LGR4: variants seen among roughly 807,000 people sequenced by gnomAD.
LGR4 encodes leucine-rich repeat-containing G protein-coupled receptor 4.
Under a neutral mutation model 84.8 loss-of-function variants are expected in LGR4, and 44 were observed. The ratio of observed to expected loss-of-function variants is 0.52; its 90% CI spans 0.41 to 0.67. The LOEUF (loss-of-function observed/expected upper bound fraction) is 0.67, where lower values mean the gene tolerates loss of function less well. Ranked by LOEUF, LGR4 falls within the 30% of genes least tolerant of loss-of-function variation. The probability of loss-of-function intolerance (pLI) is 0.00; values close to 1 mark genes in which losing one functional copy is unlikely to be tolerated. For missense variants in LGR4, 1,032 were observed against 1,131.4 expected (o/e 0.91, Z 1.26); for synonymous variants, 429 against 434.3 (o/e 0.99, Z 0.15).
chr11:27,400,148 G>A (rs1252400533), intron 2 of LGR4, among the ~76,000 whole-genome samples: 1 of 152,034 alleles, frequency 6.6e-6, no homozygotes. Context: ...TGTTCATTGG[G>A]TATTTTGAAT....
intron 1 of LGR4, among the ~76,000 whole-genome samples, chr11:27,442,702 C>G (rs1864323768): frequency 6.6e-6 from 1 of 152,166 alleles, no homozygotes; most frequent in Non-Finnish European, 1.5e-5. Context: ...AGTCAATATT[C>G]CATGTTCTTC....
Position 27,394,788 on chromosome 11 carries a change from G to T in LGR4, c.258-2270C>A, listed in dbSNP as rs7124799. Among the ~76,000 whole-genome samples the T allele has an allele frequency of 4.8e-3, 733 of 152,010 alleles. 5 individuals are homozygous for T. The highest frequency in any genetic ancestry group is 0.015 in the African/African-American group (638 of 41,452). On this transcript the variant is annotated intron_variant, in intron 2 of 17. Transcript: ENST00000379214. Reference sequence around the variant, plus strand: ...AAATGTGCCCTATGCTTGAACACTCGGAGCTCATAAACTTGGGTCACAAGC... The same window carrying T: ...AAATGTGCCCTATGCTTGAACACTCTGAGCTCATAAACTTGGGTCACAAGC...
At chr11:27,439,692 G>T (rs2133430162) in intron 1 of LGR4, among the ~76,000 whole-genome samples, 2 of 152,152 alleles carry the variant, frequency 1.3e-5, no homozygotes, top group South Asian at 4.2e-4. Flanking sequence ...ATTCCCTTGG[G>T]TGCATTTTTA....
Position 27,472,713 on chromosome 11 carries a change from A to T in LGR4, c.-411T>A. ...CCCCCGCCGTGGCTCTCGCACAAAC[A>T]CCCAGACTCTGGCTCGCTGTCTCCC... is the stretch of plus-strand genomic sequence containing the variant. On this transcript the variant is annotated 5_prime_UTR_variant, in exon 1 of 18. Transcript: ENST00000379214. 1 of 359,692 alleles carries T rather than the reference A, an allele frequency of 2.8e-6. No homozygotes were observed. Among genetic ancestry groups the T allele is most frequent in the Non-Finnish European group, 5.0e-6 (1 of 201,658 alleles). 22.3% of individuals were successfully genotyped at this position (359,692 alleles called of 1,614,324 possible).
Position 27,368,038 on chromosome 11 carries a change from G to A in LGR4, c.2685C>T (p.Tyr895=), listed in dbSNP as rs972386519. ...AVASCQRPEG[Y]WSDCGTQSAH... ...CCGACTGTGTGCCACAGTCGGACCA[G>A]TAGCCCTCAGGTCTTTGGCAAGAAG... The change falls in exon 18 of 18, where the codon TAC becomes TAT. Residue 895 remains tyrosine, a synonymous_variant. Coordinates refer to ENST00000379214, the MANE Select transcript of LGR4 (RefSeq NM_018490.5). 15 of 1,514,594 alleles carry A rather than the reference G, an allele frequency of 9.9e-6. No homozygotes were observed. Among genetic ancestry groups the A allele is most frequent in the Non-Finnish European group, 1.2e-5 (13 of 1,116,922 alleles). 93.8% of individuals were successfully genotyped at this position (1,514,594 alleles called of 1,614,324 possible).
At chr11:27,387,199 T>C (rs1863202667) in intron 4 of LGR4, among the ~76,000 whole-genome samples, 2 of 152,226 alleles carry the variant, frequency 1.3e-5, no homozygotes, top group Non-Finnish European at 1.5e-5. Flanking sequence ...CGCAGTTAAA[T>C]TGAGCATCTT....
intron 1 of LGR4, among the ~76,000 whole-genome samples, chr11:27,464,791 A>G (rs936840201): frequency 6.6e-6 from 1 of 152,188 alleles, no homozygotes; most frequent in Admixed American, 6.5e-5. Context: ...TTTTCTGGAT[A>G]TCGGGTTCTA....
chr11:27,432,230 G>A (rs561904127), intron 1 of LGR4, among the ~76,000 whole-genome samples: 5 of 152,284 alleles, frequency 3.3e-5, no homozygotes, highest in East Asian at 1.9e-4. Context: ...GTTTCCTACT[G>A]TACGCTAGCA....
chr11:27,416,317 T>C (rs931825729), intron 1 of LGR4, among the ~76,000 whole-genome samples: 1 of 152,188 alleles, frequency 6.6e-6, no homozygotes, highest in Admixed American at 6.5e-5. Flanking sequence ...TGTGTGATCT[T>C]TGGCAAATTG....
At chr11:27,398,157 A>G (rs1250030717) in intron 2 of LGR4, among the ~76,000 whole-genome samples, 1 of 152,196 alleles carries the variant, frequency 6.6e-6, no homozygotes, top group Admixed American at 6.5e-5. Context: ...TGCATATATG[A>G]CCTGAAATTT....
chr11:27,455,225 G>T (rs539407736), intron 1 of LGR4, among the ~76,000 whole-genome samples: 6 of 152,190 alleles, frequency 3.9e-5, no homozygotes, highest in East Asian at 1.9e-4. Flanking sequence ...TACAGATGGG[G>T]TGTTTCATTT....
intron 2 of LGR4, among the ~76,000 whole-genome samples, chr11:27,397,680 G>A (rs1327504054): frequency 6.6e-6 from 1 of 152,196 alleles, no homozygotes; most frequent in African/African-American, 2.4e-5. Context: ...CTCGACATAT[G>A]CTGGAAGCAT....
chr11:27,385,169 C>T (rs892408796), intron 5 of LGR4, 84 bp downstream of exon 5: 2 of 971,572 alleles, frequency 2.1e-6, no homozygotes, highest in East Asian at 2.5e-5. Flanking sequence ...CAGCGAGATG[C>T]CTTGATAATA....
chr11:27,451,982 C>G (rs186638518), intron 1 of LGR4, among the ~76,000 whole-genome samples: 1 of 152,140 alleles, frequency 6.6e-6, no homozygotes, highest in Non-Finnish European at 1.5e-5. Flanking sequence ...ACATACATAG[C>G]TGGGGGGAAT....
intron 1 of LGR4, among the ~76,000 whole-genome samples, chr11:27,437,660 A>AGTGTGTGTGTGTGTGTGTGTGT (rs10659033): frequency 9.3e-5 from 13 of 140,044 alleles, no homozygotes; most frequent in Non-Finnish European, 1.5e-4. Flanking sequence ...TTAAAGGACT[A>AGTGTGTGTGTGTGTGTGTGTGT]GTGTGTGTGT....
chr11:27,406,251 C>T (rs539102378), intron 2 of LGR4, among the ~76,000 whole-genome samples: 4 of 152,246 alleles, frequency 2.6e-5, no homozygotes, highest in Admixed American at 6.5e-5. Flanking sequence ...CTATCCCTCT[C>T]CCTTGAAAGC....
At chr11:27,470,292 T>C (rs1302946831) in intron 1 of LGR4, among the ~76,000 whole-genome samples, 1 of 152,176 alleles carries the variant, frequency 6.6e-6, no homozygotes, top group Non-Finnish European at 1.5e-5. Context: ...AGAAGATGCT[T>C]TGGAGAGAGG....
At chr11:27,471,521 G>C (rs1864871694) in intron 1 of LGR4, among the ~76,000 whole-genome samples, 1 of 152,258 alleles carries the variant, frequency 6.6e-6, no homozygotes, top group Admixed American at 6.5e-5. Context: ...GTAGTCCCGA[G>C]TGGAACTGGG....
At chr11:27,374,338 A>G (rs570677212) in intron 13 of LGR4, among the ~76,000 whole-genome samples, 1 of 152,316 alleles carries the variant, frequency 6.6e-6, no homozygotes, top group South Asian at 2.1e-4. Context: ...CATATAAATG[A>G]TATGATATAA....
Sources: allele counts gnomAD v4.1 joint callset (sites outside exome capture counted in the v4.1 genomes callset), GRCh38; gene constraint gnomAD v4.1.1; transcripts MANE v1.5; gene names NCBI Gene and HGNC (gene_info 2026-07-23, HGNC 2026-07-21).